The following CSMD1 variants were observed in gnomAD, a reference collection of about 807,000 sequenced individuals.
The protein encoded by CSMD1 is CUB and sushi domain-containing protein 1.
Under a neutral mutation model 417.5 loss-of-function variants are expected in CSMD1, and 213 were observed. The ratio of observed to expected loss-of-function variants is 0.51; its 90% confidence interval spans 0.46 to 0.57. The LOEUF (loss-of-function observed/expected upper bound fraction) is 0.57. Among genes scored for constraint, CSMD1 ranks in the 20% least tolerant of loss-of-function variants. The pLI, the probability that CSMD1 is intolerant of heterozygous loss-of-function variation, is 0.00. For synonymous variants in CSMD1, 2,862 were observed against 1,736.8 expected (o/e 1.65, Z -16.11); for missense variants, 6,923 against 4,529.7 (o/e 1.53, Z -15.17).
In CSMD1 at chr8:3,419,703, C is replaced by T. The variant is rs73657889; in HGVS notation, c.1562-10098G>A. On this transcript the variant is annotated intron_variant, in intron 12 of 69. Coordinates refer to ENST00000635120, the MANE Select transcript of CSMD1 (RefSeq NM_033225.6). ...TTCAGATTACTTTCGTCACCTACAA[C>T]GTTCTAATCAAATACCAAATAGCCA... Among the ~76,000 whole-genome samples the T allele has an allele frequency of 4.0e-3, 606 of 152,214 alleles. 3 individuals carry two copies. The highest frequency in any genetic ancestry group is 0.013 in the African/African-American group (552 of 41,544).
chr8:4,182,566 G>T (rs763893789), intron 3 of CSMD1, among the ~76,000 whole-genome samples: 1 of 152,112 alleles, frequency 6.6e-6, no homozygotes, highest in Non-Finnish European at 1.5e-5. Context: ...AATGATGTAT[G>T]ATCACAGAAA....
intron 11 of CSMD1, among the ~76,000 whole-genome samples, chr8:3,473,735 G>T (rs990578876): frequency 3.3e-5 from 5 of 152,264 alleles, no homozygotes; most frequent in Admixed American, 2.6e-4. Context: ...TTCCTAGCAG[G>T]GGTGGTGTCT....
rs1365181703 is a variant in CSMD1 at position 3,394,034 on chromosome 8, A to T, written c.2593+2160T>A. 6.2e-3 allele frequency among the ~76,000 whole-genome samples: 611 copies of T among 99,280 alleles called. 18 individuals carry two copies. Among genetic ancestry groups the T allele is most frequent in the Middle Eastern group, 0.036 (6 of 166 alleles). 65.1% of individuals were successfully genotyped at this position (99,280 alleles called of 152,430 possible). On this transcript the variant is annotated intron_variant, in intron 17 of 69. Transcript: ENST00000635120. ...AAATTATATATATATATATATATATATATATATATATATATATATATAGAA... is the reference window on the plus strand; with the variant it reads ...AAATTATATATATATATATATATATTTATATATATATATATATATATAGAA...
At chr8:3,815,549 G>T (rs762426006) in intron 5 of CSMD1, among the ~76,000 whole-genome samples, 4 of 151,212 alleles carry the variant, frequency 2.6e-5, no homozygotes, top group Admixed American at 6.6e-5. Flanking sequence ...AGAAAAAACT[G>T]TGCTTTTGAA....
chr8:3,182,079 CCA>C (rs969758934), intron 36 of CSMD1, among the ~76,000 whole-genome samples: 4 of 152,062 alleles, frequency 2.6e-5, no homozygotes, highest in African/African-American at 9.7e-5. Flanking sequence ...GTAAAAATAA[CCA>C]CAGTGTAGAT....
At chr8:4,485,088 A>G (rs1196072337) in intron 2 of CSMD1, among the ~76,000 whole-genome samples, 1 of 149,804 alleles carries the variant, frequency 6.7e-6, no homozygotes, top group African/African-American at 2.5e-5. Flanking sequence ...CAGAAAGGAG[A>G]TGCTGAGAGA....
intron 9 of CSMD1, among the ~76,000 whole-genome samples, chr8:3,578,535 G>T (rs1390463018): frequency 1.3e-5 from 2 of 152,174 alleles, no homozygotes; most frequent in Non-Finnish European, 2.9e-5. Context: ...CGCCTATTGG[G>T]GGGCTGTATT....
At chr8:3,061,778 A>G (rs1337448713) in intron 49 of CSMD1, among the ~76,000 whole-genome samples, 1 of 152,230 alleles carries the variant, frequency 6.6e-6, no homozygotes, top group Non-Finnish European at 1.5e-5. Context: ...GCCATTGTGA[A>G]AAGTTTTTCT....
chr8:3,404,153 T>A (rs1161528), intron 15 of CSMD1, among the ~76,000 whole-genome samples: 1 of 151,950 alleles, frequency 6.6e-6, no homozygotes, highest in African/African-American at 2.4e-5. Flanking sequence ...GGCCAACATG[T>A]TGAAACGTCC....
At chr8:3,411,943 C>T (rs940291907) in intron 12 of CSMD1, among the ~76,000 whole-genome samples, 592 of 6,782 alleles carry the variant, frequency 0.087, 86 homozygotes, top group Non-Finnish European at 0.11. Flanking sequence ...CGTATATATG[C>T]ACGTATATAT....
At chr8:4,148,714 C>A (rs1005352740) in intron 3 of CSMD1, among the ~76,000 whole-genome samples, 2 of 152,076 alleles carry the variant, frequency 1.3e-5, no homozygotes, top group African/African-American at 4.8e-5. Context: ...ACAGCGAGGG[C>A]TCCACTCTCA....
At chr8:3,866,046 AAAG>A (rs1805078805) in intron 5 of CSMD1, among the ~76,000 whole-genome samples, 2 of 152,172 alleles carry the variant, frequency 1.3e-5, no homozygotes, top group Admixed American at 6.5e-5. Context: ...TAACACTTAA[AAAG>A]AACAAGTAAA....
In CSMD1 at chr8:3,299,123, C is replaced by T. The variant is rs1375044745; in HGVS notation, c.3950+8572G>A. Reference sequence around the variant, plus strand: ...TGTAAAATTGTTAAAAGTCAAAATGCCAGACACAATTCCACTAGGTAAAGG... The same window carrying T: ...TGTAAAATTGTTAAAAGTCAAAATGTCAGACACAATTCCACTAGGTAAAGG... On this transcript the variant is annotated intron_variant, in intron 25 of 69. Coordinates refer to ENST00000635120, the MANE Select transcript of CSMD1 (RefSeq NM_033225.6). Among the ~76,000 whole-genome samples the T allele has an allele frequency of 3.3e-5, 5 of 152,084 alleles. No homozygotes were observed. In the East Asian group the frequency reaches 7.7e-4, roughly 24 times the overall value.
chr8:3,799,253 A>ATT (rs566306469), intron 5 of CSMD1, among the ~76,000 whole-genome samples: 1 of 149,880 alleles, frequency 6.7e-6, no homozygotes, highest in Admixed American at 6.7e-5. Flanking sequence ...TGATCACAGC[A>ATT]TTTTTTTTTA....
chr8:4,465,871 A>G (rs1298267579), intron 2 of CSMD1, among the ~76,000 whole-genome samples: 1 of 152,194 alleles, frequency 6.6e-6, no homozygotes, highest in Non-Finnish European at 1.5e-5. Context: ...AGGTGATTGT[A>G]TCTGGAAGTG....
chr8:4,597,877 A>G (rs1308991293), intron 2 of CSMD1, among the ~76,000 whole-genome samples: 2 of 152,156 alleles, frequency 1.3e-5, no homozygotes, highest in African/African-American at 4.8e-5. Context: ...AGAGACACAG[A>G]TTAATTAGGT....
At chr8:3,613,829 G>T (rs1802009360) in intron 8 of CSMD1, among the ~76,000 whole-genome samples, 1 of 151,638 alleles carries the variant, frequency 6.6e-6, no homozygotes, top group African/African-American at 2.4e-5. Context: ...TATAATGAAA[G>T]CCAGAACACT....
chr8:4,433,317 G>C (rs1797974160), intron 2 of CSMD1, among the ~76,000 whole-genome samples: 1 of 152,068 alleles, frequency 6.6e-6, no homozygotes, highest in South Asian at 2.1e-4. Context: ...CACGAAACTG[G>C]TCCCTGGCAC....
At chr8:3,975,920 A>T (rs890187507) in intron 5 of CSMD1, among the ~76,000 whole-genome samples, 1 of 152,212 alleles carries the variant, frequency 6.6e-6, no homozygotes, top group African/African-American at 2.4e-5. Flanking sequence ...TTAGTTTCAT[A>T]AAAGTTATTT....
Sources: allele counts gnomAD v4.1 joint callset (sites outside exome capture counted in the v4.1 genomes callset), GRCh38; gene constraint gnomAD v4.1.1; transcripts MANE v1.5; gene names NCBI Gene and HGNC (gene_info 2026-07-23, HGNC 2026-07-21).